DISC1: variants seen among roughly 807,000 people sequenced by gnomAD.
DISC1 encodes DISC1 scaffold protein, also known as disrupted in schizophrenia 1 protein.
Under a neutral mutation model 84.5 loss-of-function variants are expected in DISC1, and 57 were observed. That is an observed-to-expected ratio of 0.67 (90% CI 0.55 to 0.84). The LOEUF (loss-of-function observed/expected upper bound fraction) is 0.84, where lower values mean the gene tolerates loss of function less well. Ranked by LOEUF, DISC1 falls within the 40% of genes least tolerant of loss-of-function variation. The pLI is 0.00. For synonymous variants in DISC1, 411 were observed against 415.2 expected, an observed-to-expected ratio of 0.99 and a Z score of 0.12; for missense variants, 1,000 against 1,057.8, an observed-to-expected ratio of 0.95 and a Z score of 0.76.
chr1:231,739,824 T>C (rs1180444825), intron 3 of DISC1, among the ~76,000 whole-genome samples: 3 of 152,202 alleles, frequency 2.0e-5, no homozygotes, highest in Non-Finnish European at 2.9e-5. Flanking sequence ...TTCCACATCA[T>C]CTGTATCACA....
At position 232,040,034 on chromosome 1, in the gene DISC1, G is replaced by A. The variant is rs1572720526; in HGVS notation, c.*3203G>A. 7.0e-6 allele frequency: 1 copy of A among 141,942 alleles called. No individual in the cohort carries two copies. The highest frequency in any genetic ancestry group is 2.3e-4 in the South Asian group (1 of 4,440). 8.8% of individuals were successfully genotyped at this position (141,942 alleles called of 1,614,324 possible). A position where few individuals can be genotyped will look rare whatever the true frequency, so the allele number is the denominator to read the frequency against. The stretch of plus-strand genomic sequence containing the variant: ...GATGGAGTCTCTCTCTGTCACCCAA[G>A]TTGGAGTGCAGTGGCCCCGCAATCT... On this transcript the variant is annotated 3_prime_UTR_variant, in exon 13 of 13. Transcript: ENST00000439617.
intron 12 of DISC1, among the ~76,000 whole-genome samples, chr1:232,032,509 G>T (rs1043880491): frequency 6.6e-6 from 1 of 152,158 alleles, no homozygotes; most frequent in Admixed American, 6.5e-5. Flanking sequence ...CTATTCCAAG[G>T]AGGTACAGAA....
At chr1:231,961,959 G>A (rs1295336937) in intron 10 of DISC1, among the ~76,000 whole-genome samples, 1 of 152,178 alleles carries the variant, frequency 6.6e-6, no homozygotes, top group Non-Finnish European at 1.5e-5. Flanking sequence ...TCTGCCAACT[G>A]CTTCTACAGT....
At chr1:232,025,278 CG>C in intron 11 of DISC1, among the ~76,000 whole-genome samples, 1 of 152,176 alleles carries the variant, frequency 6.6e-6, no homozygotes, top group South Asian at 2.1e-4. Flanking sequence ...GAGAGGGCAA[CG>C]GGGTTAGTCC....
intron 9 of DISC1, among the ~76,000 whole-genome samples, chr1:231,909,080 T>TGGGG (rs1171748817): frequency 6.6e-6 from 1 of 152,206 alleles, no homozygotes; most frequent in Non-Finnish European, 1.5e-5. Context: ...GCTGAGATGA[T>TGGGG]GGGGTTTTCT....
chr1:232,040,748 A>T lies in DISC1; in HGVS notation c.*3917A>T, dbSNP rs559017190. On this transcript the variant is annotated 3_prime_UTR_variant, in exon 13 of 13. Coordinates refer to ENST00000439617, the MANE Select transcript of DISC1 (RefSeq NM_018662.3). ...AAAGAAACTGAGCCTGGGGCAAACGAGGCTTCCCACACTGCCAGGGGAGCC... is the reference window on the plus strand; with the variant it reads ...AAAGAAACTGAGCCTGGGGCAAACGTGGCTTCCCACACTGCCAGGGGAGCC... 5.9e-5 allele frequency: 9 copies of T among 152,304 alleles called. No homozygotes were observed. The highest frequency in any genetic ancestry group is 1.7e-4 in the African/African-American group (7 of 41,552). 9.4% of individuals were successfully genotyped at this position (152,304 alleles called of 1,614,324 possible). A position where few individuals can be genotyped will look rare whatever the true frequency, so the allele number is the denominator to read the frequency against.
intron 9 of DISC1, among the ~76,000 whole-genome samples, chr1:231,909,506 T>C (rs931161214): frequency 6.6e-5 from 10 of 152,238 alleles, no homozygotes; most frequent in African/African-American, 2.4e-4. Flanking sequence ...CAGCTTTGCA[T>C]CCCAGGGATG....
At chr1:232,005,082 C>G (rs1667250453) in intron 10 of DISC1, among the ~76,000 whole-genome samples, 1 of 145,816 alleles carries the variant, frequency 6.9e-6, no homozygotes, top group East Asian at 2.0e-4. Context: ...CCCTCCCTCC[C>G]TCCTCCCTTC....
At chr1:231,751,856 C>G (rs962647644) in intron 4 of DISC1, among the ~76,000 whole-genome samples, 1 of 152,216 alleles carries the variant, frequency 6.6e-6, no homozygotes, top group Non-Finnish European at 1.5e-5. Flanking sequence ...CTACAGTTTG[C>G]TCATTCATTC....
At chr1:231,704,874 G>A (rs983353578) in intron 3 of DISC1, among the ~76,000 whole-genome samples, 2 of 151,746 alleles carry the variant, frequency 1.3e-5, no homozygotes, top group Admixed American at 6.6e-5. Context: ...GAGCCTGTGA[G>A]CCACACTTAG....
chr1:231,770,091 C>T (rs1344555471), intron 5 of DISC1, among the ~76,000 whole-genome samples: 1 of 152,004 alleles, frequency 6.6e-6, no homozygotes, highest in East Asian at 1.9e-4. Flanking sequence ...ACTCTTATCC[C>T]CACAAAACAT....
At chr1:231,793,386 T>C (rs115093780) in intron 6 of DISC1, among the ~76,000 whole-genome samples, 7 of 152,362 alleles carry the variant, frequency 4.6e-5, no homozygotes, top group African/African-American at 9.6e-5. Context: ...AACCATGTCT[T>C]CATGCTCTAA....
intron 1 of DISC1, among the ~76,000 whole-genome samples, chr1:231,640,858 G>A (rs2059586800): frequency 6.6e-6 from 1 of 152,060 alleles, no homozygotes; most frequent in African/African-American, 2.4e-5. Flanking sequence ...TTGATCCTTG[G>A]TCTGACCCCT....
chr1:231,755,339 C>G (rs1246632643), intron 4 of DISC1, among the ~76,000 whole-genome samples: 1 of 151,878 alleles, frequency 6.6e-6, no homozygotes, highest in African/African-American at 2.4e-5. Flanking sequence ...CCATGCCCAG[C>G]CCCTTTCTCT....
chr1:231,740,548 CTT>C (rs958616503), intron 3 of DISC1, among the ~76,000 whole-genome samples: 8 of 152,180 alleles, frequency 5.3e-5, no homozygotes, highest in Non-Finnish European at 1.2e-4. Flanking sequence ...GAGGTTTGGA[CTT>C]TGTTCTGCAG....
chr1:231,794,967 C>T (rs995932586), intron 6 of DISC1, among the ~76,000 whole-genome samples: 2 of 152,126 alleles, frequency 1.3e-5, no homozygotes, highest in Non-Finnish European at 2.9e-5. Context: ...CAGGAGCACA[C>T]CTTGGCTGTT....
chr1:231,668,085 A>G (rs2062193280), intron 1 of DISC1, among the ~76,000 whole-genome samples: 1 of 152,032 alleles, frequency 6.6e-6, no homozygotes, highest in African/African-American at 2.4e-5. Context: ...CATACTTAAT[A>G]CATACATCTT....
At chr1:231,921,521 TATC>T (rs1334753259) in intron 9 of DISC1, among the ~76,000 whole-genome samples, 5 of 149,644 alleles carry the variant, frequency 3.3e-5, no homozygotes, top group Non-Finnish European at 7.4e-5. Flanking sequence ...AATTTTATGA[TATC>T]ATACTTTTAT....
chr1:231,804,257 C>T (rs1373300150), intron 8 of DISC1, among the ~76,000 whole-genome samples: 1 of 152,058 alleles, frequency 6.6e-6, no homozygotes, highest in Non-Finnish European at 1.5e-5. Context: ...AGTTTCAGTG[C>T]CATGCTCTAA....
Sources: gnomAD v4.1 joint callset for allele counts (sites outside exome capture counted in the v4.1 genomes callset) on GRCh38, gnomAD v4.1.1 for gene constraint, MANE v1.5 for transcripts, NCBI Gene and HGNC (gene_info 2026-07-23, HGNC 2026-07-21) for gene names.